TCF7L2: variants seen among roughly 807,000 people sequenced by gnomAD.
TCF7L2 encodes transcription factor 7-like 2.
A neutral mutation model predicts 77.9 loss-of-function variants in TCF7L2; 23 were observed. The observed-to-expected ratio is 0.30, with a 90% CI of 0.21 to 0.42. The LOEUF (loss-of-function observed/expected upper bound fraction) is 0.42, where lower values mean the gene tolerates loss of function less well. Among genes scored for constraint, TCF7L2 ranks in the 10% least tolerant of loss-of-function variants. The pLI is 1.00. For synonymous variants in TCF7L2, 413 were observed against 340.2 expected, an observed-to-expected ratio of 1.21 and a Z score of -2.36; for missense variants, 654 against 793.1, an observed-to-expected ratio of 0.82 and a Z score of 2.11.
intron 5 of TCF7L2, among the ~76,000 whole-genome samples, chr10:113,116,361 ATATTT>A (rs1472210141): frequency 1.3e-5 from 2 of 152,228 alleles, no homozygotes; most frequent in Non-Finnish European, 2.9e-5. Context: ...TGAATTAGTT[ATATTT>A]TATCACTTAT....
chr10:112,990,742 A>T (rs893644850), intron 4 of TCF7L2, among the ~76,000 whole-genome samples: 1 of 152,154 alleles, frequency 6.6e-6, no homozygotes, highest in African/African-American at 2.4e-5. Context: ...AATAAAAAAA[A>T]TTAGCTAGCC....
chr10:112,967,505 G>T (rs2134741174), intron 4 of TCF7L2, among the ~76,000 whole-genome samples: 1 of 152,246 alleles, frequency 6.6e-6, no homozygotes, highest in East Asian at 1.9e-4. Context: ...AATAGCAGTT[G>T]CTATGTTTAG....
intron 5 of TCF7L2, among the ~76,000 whole-genome samples, chr10:113,120,782 G>A (rs1591973052): frequency 6.6e-6 from 1 of 152,312 alleles, no homozygotes; most frequent in South Asian, 2.1e-4. Flanking sequence ...CAAACCCTGA[G>A]TTTCAGAACA....
intron 5 of TCF7L2, chr10:113,089,686 T>C: frequency 9.3e-7 from 1 of 1,074,560 alleles, no homozygotes; most frequent in Non-Finnish European, 1.3e-6. Context: ...GGTGCCATGA[T>C]GTCTGGGTGT....
chr10:113,073,098 T>TTGTGTGTG (rs1336161624), intron 5 of TCF7L2, among the ~76,000 whole-genome samples: 1 of 27,988 alleles, frequency 3.6e-5, no homozygotes, highest in African/African-American at 2.4e-4. Context: ...CAGGGCCAGG[T>TTGTGTGTG]CGTGTGTGTG....
At chr10:112,998,030 T>C (rs2043812729) in intron 4 of TCF7L2, among the ~76,000 whole-genome samples, 1 of 151,810 alleles carries the variant, frequency 6.6e-6, no homozygotes, top group Admixed American at 6.6e-5. Flanking sequence ...ATGGTATCCC[T>C]GATTTACTAT....
At chr10:112,995,657 A>T (rs1457013548) in intron 4 of TCF7L2, among the ~76,000 whole-genome samples, 1 of 152,166 alleles carries the variant, frequency 6.6e-6, no homozygotes, top group Non-Finnish European at 1.5e-5. Flanking sequence ...TCCTAAGCCC[A>T]CTACTGCCTG....
chr10:112,993,053 G>T (rs182354574), intron 4 of TCF7L2, among the ~76,000 whole-genome samples: 1 of 151,054 alleles, frequency 6.6e-6, no homozygotes, highest in Non-Finnish European at 1.5e-5. Context: ...GTGAGCCACC[G>T]CACCCGGCCA....
At chr10:112,982,184 A>T (rs1355576465) in intron 4 of TCF7L2, among the ~76,000 whole-genome samples, 1 of 152,188 alleles carries the variant, frequency 6.6e-6, no homozygotes, top group Non-Finnish European at 1.5e-5. Context: ...TTCTCCATGA[A>T]GTATGAACTT....
Position 113,078,052 on chromosome 10 carries a change from TATGGCTGAATA to T in TCF7L2, c.552+37929_552+37939del, listed in dbSNP as rs2058914164. Reference sequence around the variant, plus strand: ...TGCCTGGCCAGGACTTTATTCCTTTTATGGCTGAATAATATTTCATTATATGGATATCCCAT... The same window carrying T: ...TGCCTGGCCAGGACTTTATTCCTTTTATATTTCATTATATGGATATCCCAT... On this transcript the variant is annotated intron_variant, in intron 5 of 13. Coordinates refer to ENST00000627217, the MANE Select transcript of TCF7L2 (RefSeq NM_001146274.2). Among the ~76,000 whole-genome samples, 5 of 151,936 alleles carry T rather than the reference TATGGCTGAATA, an allele frequency of 3.3e-5. No homozygotes were observed. The South Asian group carries it at 1.0e-3, about 31-fold the overall frequency.
At chr10:113,107,766 A>C (rs2062569225) in intron 5 of TCF7L2, among the ~76,000 whole-genome samples, 1 of 150,994 alleles carries the variant, frequency 6.6e-6, no homozygotes, top group South Asian at 2.1e-4. Flanking sequence ...AAAAAAAAAA[A>C]AAAAAAAAAA....
chr10:112,955,754 AG>A (rs1447053212), intron 3 of TCF7L2, among the ~76,000 whole-genome samples: 1 of 152,154 alleles, frequency 6.6e-6, no homozygotes, highest in Non-Finnish European at 1.5e-5. Flanking sequence ...GCTGTGAAAA[AG>A]TTACCGGAAG....
At chr10:113,130,537 A>G (rs1360543037) in intron 5 of TCF7L2, among the ~76,000 whole-genome samples, 1 of 152,126 alleles carries the variant, frequency 6.6e-6, no homozygotes, top group Non-Finnish European at 1.5e-5. Flanking sequence ...TTAGTTGTCA[A>G]TCTCCAGATT....
intron 8 of TCF7L2, among the ~76,000 whole-genome samples, chr10:113,147,094 T>C (rs1357369685): frequency 1.3e-5 from 2 of 152,244 alleles, no homozygotes. Flanking sequence ...GCTAATTGTT[T>C]CTAATGATAG....
chr10:113,118,506 C>G (rs1237056273), intron 5 of TCF7L2, among the ~76,000 whole-genome samples: 7 of 97,364 alleles, frequency 7.2e-5, no homozygotes, highest in Non-Finnish European at 1.1e-4. Flanking sequence ...TTTCAACCAA[C>G]TGGTCATCTG....
intron 5 of TCF7L2, among the ~76,000 whole-genome samples, chr10:113,084,130 A>G (rs1469973907): frequency 1.3e-5 from 2 of 152,246 alleles, no homozygotes; most frequent in South Asian, 2.1e-4. Context: ...AGGGTTCTCC[A>G]GAGACATAAA....
chr10:113,048,462 T>A (rs1373078608), intron 5 of TCF7L2, among the ~76,000 whole-genome samples: 1 of 152,146 alleles, frequency 6.6e-6, no homozygotes, highest in Non-Finnish European at 1.5e-5. Flanking sequence ...CCATCTCTGG[T>A]TAGGGACTGG....
chr10:113,090,490 A>G (rs1212634947), intron 5 of TCF7L2, among the ~76,000 whole-genome samples: 1 of 152,232 alleles, frequency 6.6e-6, no homozygotes, highest in Non-Finnish European at 1.5e-5. Flanking sequence ...AAAATGTGGA[A>G]TAAGTCATCT....
rs1306070553 is a variant in TCF7L2, at chr10:113,129,953, A to C, written c.553-11231A>C. On this transcript the variant is annotated intron_variant, in intron 5 of 13. Coordinates refer to ENST00000627217, the MANE Select transcript of TCF7L2 (RefSeq NM_001146274.2). Reference sequence around the variant, plus strand: ...GCCTCCGGGGTCTCTCTGTTCCAGCAGTTGGGCGGTTGGCACCTCAATTTG... The same window carrying C: ...GCCTCCGGGGTCTCTCTGTTCCAGCCGTTGGGCGGTTGGCACCTCAATTTG... The C allele has an allele frequency of 3.1e-6, 4 of 1,291,636 alleles. No individual in the cohort carries two copies. In the South Asian group the frequency reaches 4.9e-5, roughly 16 times the overall value. The allele number at this position is 1,291,636 out of a possible 1,614,324, so 80.0% of individuals were successfully genotyped here. A position where few individuals can be genotyped will look rare whatever the true frequency, so the allele number is the denominator to read the frequency against.
Sources: gnomAD v4.1 joint callset for allele counts (sites outside exome capture counted in the v4.1 genomes callset) on GRCh38, gnomAD v4.1.1 for gene constraint, MANE v1.5 for transcripts, NCBI Gene and HGNC (gene_info 2026-07-23, HGNC 2026-07-21) for gene names.